Variants in PXDNL observed in about 807,000 individuals in gnomAD.
The protein encoded by PXDNL is probable oxidoreductase PXDNL.
Under a neutral mutation model 150.8 loss-of-function variants are expected in PXDNL, and 145 were observed. The ratio of observed to expected loss-of-function variants is 0.96; its 90% CI spans 0.84 to 1.10. PXDNL has a LOEUF of 1.10. PXDNL is among the 50% of genes least tolerant of loss of function. PXDNL has a pLI of 0.00. For missense variants in PXDNL, 2,087 were observed against 1,873.9 expected (o/e 1.11, Z -2.10); for synonymous variants, 757 against 725.7 (o/e 1.04, Z -0.69).
chr8:51,658,354 AAAAAAAAGAAAAGAAAAGGAAAAAAAAAG>A (rs1815197027), intron 1 of PXDNL, among the ~76,000 whole-genome samples: 2 of 110,758 alleles, frequency 1.8e-5, no homozygotes, highest in Admixed American at 1.1e-4. Context: ...GAAAAAAAAA[AAAAAAAAGAAAAGAAAAGGAAAAAAAAAG>A]AAAAAAAAGT....
intron 9 of PXDNL, among the ~76,000 whole-genome samples, chr8:51,455,898 C>T (rs1809928706): frequency 6.6e-6 from 1 of 152,152 alleles, no homozygotes; most frequent in Admixed American, 6.5e-5. Context: ...TCTCTACAAA[C>T]ATTTTTTTAA....
intron 9 of PXDNL, among the ~76,000 whole-genome samples, chr8:51,455,953 A>G (rs1809929439): frequency 6.6e-6 from 1 of 152,194 alleles, no homozygotes; most frequent in Admixed American, 6.5e-5. Flanking sequence ...TATTCAATCA[A>G]TCGCTAACTC....
intron 5 of PXDNL, among the ~76,000 whole-genome samples, chr8:51,489,954 G>A (rs905181227): frequency 5.9e-5 from 9 of 152,154 alleles, no homozygotes; most frequent in African/African-American, 1.9e-4. Flanking sequence ...TTAGTGAAGG[G>A]AAATCCCAGG....
chr8:51,666,755 T>C (rs1162903490), intron 1 of PXDNL, among the ~76,000 whole-genome samples: 1 of 152,186 alleles, frequency 6.6e-6, no homozygotes, highest in Non-Finnish European at 1.5e-5. Flanking sequence ...CATGCCTGCA[T>C]AATCACTGTC....
Position 51,644,350 on chromosome 8 carries a change from A to C in PXDNL, c.236+10339T>G, listed in dbSNP as rs1361360484. ...TATATATATATATACACACACACAC[A>C]CACACACACACACATATGTATATAT... On this transcript the variant is annotated intron_variant, in intron 2 of 22. Transcript: ENST00000356297. Among the ~76,000 whole-genome samples the C allele has an allele frequency of 2.4e-5, 2 of 82,834 alleles. 1 individual carries two copies. Among genetic ancestry groups the C allele is most frequent in the Non-Finnish European group, 5.9e-5 (2 of 33,688 alleles). 54.3% of individuals were successfully genotyped at this position (82,834 alleles called of 152,430 possible).
At chr8:51,575,518 C>T (rs1165400514) in intron 3 of PXDNL, among the ~76,000 whole-genome samples, 2 of 151,998 alleles carry the variant, frequency 1.3e-5, no homozygotes, top group African/African-American at 4.8e-5. Flanking sequence ...AGTTCTAGAC[C>T]AGCTTGGCCA....
intron 18 of PXDNL, among the ~76,000 whole-genome samples, chr8:51,373,534 A>T (rs1435364063): frequency 1.3e-5 from 2 of 152,248 alleles, no homozygotes; most frequent in African/African-American, 4.8e-5. Context: ...TGAGTCAAGA[A>T]ATTCAGTGTT....
chr8:51,331,161 G>A (rs1054791076), intron 21 of PXDNL, among the ~76,000 whole-genome samples: 2 of 152,132 alleles, frequency 1.3e-5, no homozygotes, highest in African/African-American at 2.4e-5. Context: ...TGCCCCAACT[G>A]CAGAAGTGGG....
Position 51,345,865 on chromosome 8 carries a change from A to G in PXDNL, c.3984T>C (p.Asp1328=). 1 of 1,612,218 alleles carries G rather than the reference A, an allele frequency of 6.2e-7. No homozygotes were observed. The highest frequency in any genetic ancestry group is 1.3e-5 in the African/African-American group (1 of 75,008). The part of the protein sequence containing the change: ...KRSAQYSYPV[D]KDMELSHLRS... ...TTAGATGACTTAACTCCATATCCTT[A>G]TCAACAGGATAGCTGTATTGAGCTG... is the stretch of plus-strand genomic sequence containing the variant. The change falls in exon 20 of 23, where the codon GAT becomes GAC. Residue 1328 remains aspartate (D), a synonymous_variant. Coordinates refer to ENST00000356297, the MANE Select transcript of PXDNL (RefSeq NM_144651.5).
At chr8:51,784,948 T>A (rs1280868693) in intron 1 of PXDNL, among the ~76,000 whole-genome samples, 2 of 152,206 alleles carry the variant, frequency 1.3e-5, no homozygotes, top group East Asian at 3.8e-4. Context: ...ATTGAAATAA[T>A]GTAAATGCCC....
At chr8:51,675,660 A>T (rs1233738340) in intron 1 of PXDNL, among the ~76,000 whole-genome samples, 1 of 151,706 alleles carries the variant, frequency 6.6e-6, no homozygotes, top group Non-Finnish European at 1.5e-5. Flanking sequence ...GGGTGCAGTG[A>T]CATGTGCCTG....
chr8:51,654,735 C>T lies in PXDNL; in HGVS notation c.190G>A (p.Glu64Lys), dbSNP rs368488907. The T allele has an allele frequency of 8.7e-6, 14 of 1,613,288 alleles. No individual in the cohort carries two copies. In the African/African-American group the frequency reaches 1.6e-4, roughly 18 times the overall value. ...TTCTTGAAGGCGCTCCCTGGAATTT[C>T]TCTTATTCTGTTAAACCTCAAGTCT... ...VLDLRFNRIR[E>K]IPGSAFKKLK... The change falls in exon 2 of 23, where the codon GAA (glutamate) becomes AAA (lysine). Residue 64 changes from glutamate to lysine, a missense_variant. Transcript: ENST00000356297.
chr8:51,515,111 AG>A (rs1811506708), intron 4 of PXDNL, among the ~76,000 whole-genome samples: 1 of 152,218 alleles, frequency 6.6e-6, no homozygotes, highest in African/African-American at 2.4e-5. Context: ...CAGGGGCGTG[AG>A]AACCTCAGTG....
chr8:51,608,041 G>GC (rs1813890515), intron 2 of PXDNL, among the ~76,000 whole-genome samples: 3 of 126,886 alleles, frequency 2.4e-5, no homozygotes, highest in South Asian at 2.5e-4. Flanking sequence ...AAGAAAGAAA[G>GC]AAAGAAAGAA....
chr8:51,608,836 C>CAAAAAAA (rs59195880), intron 2 of PXDNL, among the ~76,000 whole-genome samples: 833 of 59,376 alleles, frequency 0.014, 30 homozygotes, highest in Middle Eastern at 0.023. Flanking sequence ...GACTCTGTCT[C>CAAAAAAA]AAAAAAAAAA....
intron 21 of PXDNL, among the ~76,000 whole-genome samples, chr8:51,336,854 GTCTC>G (rs1447096992): frequency 6.6e-6 from 1 of 152,132 alleles, no homozygotes; most frequent in Non-Finnish European, 1.5e-5. Flanking sequence ...GCTTGAGTAA[GTCTC>G]TGACCTCTAT....
At chr8:51,740,435 T>C (rs2036891512) in intron 1 of PXDNL, among the ~76,000 whole-genome samples, 1 of 152,218 alleles carries the variant, frequency 6.6e-6, no homozygotes, top group Non-Finnish European at 1.5e-5. Context: ...TGAACTAATT[T>C]ACATTCCCAC....
intron 1 of PXDNL, among the ~76,000 whole-genome samples, chr8:51,738,674 A>G (rs923953075): frequency 6.6e-6 from 1 of 152,174 alleles, no homozygotes; most frequent in Non-Finnish European, 1.5e-5. Flanking sequence ...ATCACAAACT[A>G]CCAAAACTCA....
intron 2 of PXDNL, among the ~76,000 whole-genome samples, chr8:51,649,210 GA>G (rs987811249): frequency 2.0e-4 from 31 of 151,674 alleles, no homozygotes; most frequent in African/African-American, 7.3e-4. Context: ...CATGCTCGAG[GA>G]AAAAAACGGC....
Sources: allele counts gnomAD v4.1 joint callset (sites outside exome capture counted in the v4.1 genomes callset), GRCh38; gene constraint gnomAD v4.1.1; transcripts MANE v1.5; gene names NCBI Gene and HGNC (gene_info 2026-07-23, HGNC 2026-07-21).